OR2G6: variants seen among roughly 807,000 people sequenced by gnomAD.
OR2G6 encodes the protein olfactory receptor family 2 subfamily G member 6, also known as olfactory receptor 2G6.
For missense variants in OR2G6, 457 were observed against 391.3 expected (o/e 1.17, Z -1.42); for synonymous variants, 183 against 155.2 (o/e 1.18, Z -1.33).
Position 248,522,570 on chromosome 1 carries a change from T to G in OR2G6, c.924T>G (p.Ser308Arg). 1 of 1,612,108 alleles carries G rather than the reference T, an allele frequency of 6.2e-7. No homozygotes were observed. Among genetic ancestry groups the G allele is most frequent in the Non-Finnish European group, 8.5e-7 (1 of 1,179,402 alleles). ...CCTTGAGGACCCTGATACTGGGTAG[T>G]GCTGCTGGACAAAGCCACAAGGACT... ...KGALRTLILGSAAGQSHKD is the reference protein window; with the variant it reads ...KGALRTLILGRAAGQSHKD Residue 308 changes from serine to arginine, a missense_variant, in exon 2 of 2, where the codon AGT becomes AGG. Ser to Arg is a moderately radical substitution (Grantham distance 110, BLOSUM62 -1). Transcript: ENST00000641804.
At position 248,522,169 on chromosome 1, in the gene OR2G6, GATC is replaced by G. The variant is rs758620695; in HGVS notation, c.526_528del (p.His176del). The stretch of plus-strand genomic sequence containing the variant: ...GCCCCTCTGTGGTCATCGCACACTG[GATC>G]ATATTTTCTGTGAGGTGCCAGTGCT... On this transcript the variant is annotated inframe_deletion, in exon 2 of 2. Transcript: ENST00000641804. 86 of 1,614,000 alleles carry G rather than the reference GATC, an allele frequency of 5.3e-5. No homozygotes were observed. The highest frequency in any genetic ancestry group is 3.3e-4 in the Middle Eastern group (2 of 6,084).
In OR2G6 at chr1:248,522,231, C is replaced by G. The variant is rs77917888; in HGVS notation, c.585C>G (p.Asn195Lys). 1.2e-6 allele frequency: 2 copies of G among 1,613,986 alleles called. No homozygotes were observed. The highest frequency in any genetic ancestry group is 1.7e-6 in the Non-Finnish European group (2 of 1,180,028). ...TGGCCTGTGTGGATACGACTTTCAA[C>G]GAGGCAGAACTCTTTGTGGCCAGTG... is the stretch of plus-strand genomic sequence containing the variant. ...IKLACVDTTF[N>K]EAELFVASVV... Residue 195 changes from asparagine (N) to lysine (K), a missense_variant, in exon 2 of 2, where the codon AAC (asparagine) becomes AAG (lysine). Physicochemically the swap from Asn to Lys is moderately conservative, Grantham distance 94. Coordinates refer to ENST00000641804, the MANE Select transcript of OR2G6 (RefSeq NM_001013355.2).
In OR2G6 at chr1:248,522,722, G is replaced by A. The variant is rs961581335; in HGVS notation, c.*125G>A. On this transcript the variant is annotated 3_prime_UTR_variant, in exon 2 of 2. Coordinates refer to ENST00000641804, the MANE Select transcript of OR2G6 (RefSeq NM_001013355.2). ...AGGAAGCATTGGAATTCTAAAGAAG[G>A]GAAACACCTCAAGGCAGCGTGAGGA... 2 of 649,906 alleles carry A rather than the reference G, an allele frequency of 3.1e-6. No homozygotes were observed. The highest frequency in any genetic ancestry group is 2.7e-5 in the East Asian group (1 of 36,446). 40.3% of individuals were successfully genotyped at this position (649,906 alleles called of 1,614,324 possible). A position where few individuals can be genotyped will look rare whatever the true frequency, so the allele number is the denominator to read the frequency against.
At position 248,525,210 on chromosome 1, in the gene OR2G6, G is replaced by A. The variant is rs1188315696; in HGVS notation, c.*2613G>A. The A allele has an allele frequency of 1.3e-5, 2 of 151,922 alleles. No homozygotes were observed. The highest frequency in any genetic ancestry group is 2.9e-5 in the Non-Finnish European group (2 of 67,990). 9.4% of individuals were successfully genotyped at this position (151,922 alleles called of 1,614,324 possible). ...TTTGTTTGTGAATGCTTATAATTAT[G>A]TACTTATAATGTATTTTATAAATAC... On this transcript the variant is annotated 3_prime_UTR_variant, in exon 2 of 2. Transcript: ENST00000641804.
Position 248,523,557 on chromosome 1 carries a change from G to C in OR2G6, c.*960G>C, listed in dbSNP as rs183285486. 1 of 152,084 alleles carries C rather than the reference G, an allele frequency of 6.6e-6. No homozygotes were observed. Among genetic ancestry groups the C allele is most frequent in the Non-Finnish European group, 1.5e-5 (1 of 68,012 alleles). The allele number at this position is 152,084 out of a possible 1,614,324, so 9.4% of individuals were successfully genotyped here. Reference sequence around the variant, plus strand: ...ATATGAATCCCACACACTGTCTCACGTTAACGATCATAGTTATATGTTTGG... The same window carrying C: ...ATATGAATCCCACACACTGTCTCACCTTAACGATCATAGTTATATGTTTGG... On this transcript the variant is annotated 3_prime_UTR_variant, in exon 2 of 2. Coordinates refer to ENST00000641804, the MANE Select transcript of OR2G6 (RefSeq NM_001013355.2).
At position 248,522,141 on chromosome 1, in the gene OR2G6, G is replaced by C. The variant is rs756625226; in HGVS notation, c.495G>C (p.Gln165His). The C allele has an allele frequency of 6.2e-7, 1 of 1,612,376 alleles. No individual in the cohort carries two copies. The highest frequency in any genetic ancestry group is 1.3e-5 in the African/African-American group (1 of 75,024). The change falls in exon 2 of 2, where the codon CAG (glutamine) becomes CAC (histidine). Residue 165 changes from glutamine to histidine, a missense_variant. Coordinates refer to ENST00000641804, the MANE Select transcript of OR2G6 (RefSeq NM_001013355.2). ...TAATTCAGTGCTCCCTCACTGTGCAGCTGCCCCTCTGTGGTCATCGCACAC... is the reference window on the plus strand; with the variant it reads ...TAATTCAGTGCTCCCTCACTGTGCACCTGCCCCTCTGTGGTCATCGCACAC... ...TSLIQCSLTV[Q>H]LPLCGHRTLD...
chr1:248,520,758 C>A (rs1664264965), intron 1 of OR2G6, among the ~76,000 whole-genome samples: 1 of 151,818 alleles, frequency 6.6e-6, no homozygotes, highest in Non-Finnish European at 1.5e-5. Flanking sequence ...CCTATAATCC[C>A]AGCACTTTGG....
At chr1:248,521,559 G>T in intron 1 of OR2G6, 52 bp from the exon 2 acceptor site, 2 of 908,780 alleles carry the variant, frequency 2.2e-6, no homozygotes, top group Non-Finnish European at 1.7e-6. Flanking sequence ...AACGACTGTG[G>T]ATTACCATTC....
In OR2G6 at chr1:248,522,919, C is replaced by T. The variant is rs970781192; in HGVS notation, c.*322C>T. The T allele has an allele frequency of 1.5e-5, 4 of 272,068 alleles. No individual in the cohort carries two copies. The highest frequency in any genetic ancestry group is 2.2e-5 in the African/African-American group (1 of 45,326). 16.9% of individuals were successfully genotyped at this position (272,068 alleles called of 1,614,324 possible). On this transcript the variant is annotated 3_prime_UTR_variant, in exon 2 of 2. Coordinates refer to ENST00000641804, the MANE Select transcript of OR2G6 (RefSeq NM_001013355.2). Reference sequence around the variant, plus strand: ...TATCTGGAAAAAAATGTTTGTCCTTCATCCACCTGCCATCAAGGTTCATGT... The same window carrying T: ...TATCTGGAAAAAAATGTTTGTCCTTTATCCACCTGCCATCAAGGTTCATGT...
rs1253213380 is a variant in OR2G6, at chr1:248,524,976, C to G, written c.*2379C>G. The G allele has an allele frequency of 6.6e-6, 1 of 151,998 alleles. No homozygotes were observed. Among genetic ancestry groups the G allele is most frequent in the Admixed American group, 6.6e-5 (1 of 15,254 alleles). 9.4% of individuals were successfully genotyped at this position (151,998 alleles called of 1,614,324 possible). A position where few individuals can be genotyped will look rare whatever the true frequency, so the allele number is the denominator to read the frequency against. On this transcript the variant is annotated 3_prime_UTR_variant, in exon 2 of 2. Coordinates refer to ENST00000641804, the MANE Select transcript of OR2G6 (RefSeq NM_001013355.2). ...ATTTGAAAATAAAATCCTGTTACTA[C>G]TTTCTTGAATTTAGAGCTTTCCTAT...
chr1:248,521,685 TCTC>T lies in OR2G6; in HGVS notation c.42_44del (p.Leu15del), dbSNP rs764923993. On this transcript the variant is annotated inframe_deletion, in exon 2 of 2. Coordinates refer to ENST00000641804, the MANE Select transcript of OR2G6 (RefSeq NM_001013355.2). The stretch of plus-strand genomic sequence containing the variant: ...ACAACAGCTCTGAAAAGGGATTTCT[TCTC>T]CTGGGATTTTCAGATCAGCCTCAGC... 1.3e-5 allele frequency: 21 copies of T among 1,613,862 alleles called. No individual in the cohort carries two copies. The highest frequency in any genetic ancestry group is 1.7e-5 in the Non-Finnish European group (20 of 1,179,968).
chr1:248,510,138 CAG>C (rs1391626581), intron 1 of OR2G6, among the ~76,000 whole-genome samples: 2 of 39,616 alleles, frequency 5.0e-5, no homozygotes. Context: ...TTTTTAATAA[CAG>C]AGATATATAC....
chr1:248,521,656 A>G lies in OR2G6; in HGVS notation c.10A>G (p.Thr4Ala), dbSNP rs776178006. The G allele has an allele frequency of 1.2e-6, 2 of 1,611,960 alleles. No individual in the cohort carries two copies. Among genetic ancestry groups the G allele is most frequent in the South Asian group, 1.1e-5 (1 of 90,750 alleles). Residue 4 changes from threonine (T) to alanine (A), a missense_variant, in exon 2 of 2, where the codon ACC becomes GCC. By Grantham distance (58) the Thr-to-Ala change is moderately conservative. Coordinates refer to ENST00000641804, the MANE Select transcript of OR2G6 (RefSeq NM_001013355.2). ...TGAAGCTGCAGGAAAAATGGAGGAA[A>G]CCAACAACAGCTCTGAAAAGGGATT... Reference protein sequence around the residue: MEETNNSSEKGFLL... With the variant: MEEANNSSEKGFLL...
chr1:248,520,357 CATG>C (rs1664257486), intron 1 of OR2G6, among the ~76,000 whole-genome samples: 1 of 152,042 alleles, frequency 6.6e-6, no homozygotes, highest in Non-Finnish European at 1.5e-5. Flanking sequence ...AGGAAACCAC[CATG>C]GCATGTGTAT....
In OR2G6 at chr1:248,521,799, GGACTCCA is replaced by G. The variant is rs1664291791; in HGVS notation, c.161_167del (p.Arg54ThrfsTer30). On this transcript the variant is annotated frameshift_variant, in exon 2 of 2. Coordinates refer to ENST00000641804, the MANE Select transcript of OR2G6 (RefSeq NM_001013355.2). LOFTEE classifies it low-confidence loss of function (END_TRUNC). ...CTGCCCTCATACTAGTATGTTGTCT[GGACTCCA>G]GACTCCACACTCCAATGTACTTCTT... 1.2e-6 allele frequency: 2 copies of G among 1,613,956 alleles called. No individual in the cohort carries two copies. The highest frequency in any genetic ancestry group is 1.3e-5 in the African/African-American group (1 of 74,896).
At position 248,523,842 on chromosome 1, in the gene OR2G6, A is replaced by T. The variant is rs1664343081; in HGVS notation, c.*1245A>T. The T allele has an allele frequency of 6.6e-6, 1 of 152,204 alleles. No individual in the cohort carries two copies. Among genetic ancestry groups the T allele is most frequent in the Admixed American group, 6.5e-5 (1 of 15,272 alleles). 9.4% of individuals were successfully genotyped at this position (152,204 alleles called of 1,614,324 possible). On this transcript the variant is annotated 3_prime_UTR_variant, in exon 2 of 2. Coordinates refer to ENST00000641804, the MANE Select transcript of OR2G6 (RefSeq NM_001013355.2). ...GGTTGTAATTTTACTTCATATTCTC[A>T]TTATGATACACATGAAAAAAGCATG... is the stretch of plus-strand genomic sequence containing the variant.
At chr1:248,519,305 T>C (rs990796671) in intron 1 of OR2G6, among the ~76,000 whole-genome samples, 1 of 135,392 alleles carries the variant, frequency 7.4e-6, no homozygotes, top group Non-Finnish European at 1.6e-5. Flanking sequence ...ACTATGATGA[T>C]AGTTTCCTTT....
rs1381377564 is a variant in OR2G6 at position 248,521,732 on chromosome 1, CCAT to C, written c.90_92del (p.Ile31del). On this transcript the variant is annotated inframe_deletion, in exon 2 of 2. Coordinates refer to ENST00000641804, the MANE Select transcript of OR2G6 (RefSeq NM_001013355.2). Reference sequence around the variant, plus strand: ...CCTCAGCTAGAGAGGTTTCTTTTTGCCATCATTTTGTACTTCTACGTCTTGAGC... The same window carrying C: ...CCTCAGCTAGAGAGGTTTCTTTTTGCCATTTTGTACTTCTACGTCTTGAGC... The C allele has an allele frequency of 6.2e-7, 1 of 1,613,950 alleles. No individual in the cohort carries two copies. Among genetic ancestry groups the C allele is most frequent in the Non-Finnish European group, 8.5e-7 (1 of 1,179,986 alleles).
intron 1 of OR2G6, among the ~76,000 whole-genome samples, chr1:248,520,329 T>C (rs1664256976): frequency 6.6e-6 from 1 of 152,110 alleles, no homozygotes; most frequent in Admixed American, 6.6e-5. Context: ...CTAACATAGA[T>C]GACAATTTGA....
Sources: gnomAD v4.1 joint callset for allele counts (sites outside exome capture counted in the v4.1 genomes callset) on GRCh38, gnomAD v4.1.1 for gene constraint, MANE v1.5 for transcripts, NCBI Gene and HGNC (gene_info 2026-07-23, HGNC 2026-07-21) for gene names.